Variants in HIVEP1 observed in about 807,000 individuals in gnomAD.
The protein encoded by HIVEP1 is zinc finger protein 40.
A neutral mutation model predicts 180.0 loss-of-function variants in HIVEP1; 36 were observed. That is an observed-to-expected ratio of 0.20 (90% CI 0.15 to 0.26). The LOEUF (loss-of-function observed/expected upper bound fraction) is 0.26, where lower values mean the gene tolerates loss of function less well. HIVEP1 is among the 10% of genes least tolerant of loss of function. HIVEP1 has a pLI of 1.00. For missense variants in HIVEP1, 3,143 were observed against 3,268.7 expected (o/e 0.96, Z 0.94); for synonymous variants, 1,239 against 1,239.0 (o/e 1.00, Z 0.00).
At chr6:12,209,962 G>C in the HIVEP1 span, among the ~76,000 whole-genome samples, 1 of 152,104 alleles carries the variant, frequency 6.6e-6, no homozygotes, top group African/African-American at 2.4e-5. Context: ...TCAGAAAGGT[G>C]GTTATATAGC....
intron 7 of HIVEP1, among the ~76,000 whole-genome samples, chr6:12,139,308 CT>C (rs1275131924): frequency 1.3e-5 from 2 of 152,182 alleles, no homozygotes; most frequent in Admixed American, 6.5e-5. Context: ...CAGCAGGCCC[CT>C]GTCTCAGGGA....
At chr6:12,032,714 C>T (rs975206522) in intron 2 of HIVEP1, among the ~76,000 whole-genome samples, 1 of 151,824 alleles carries the variant, frequency 6.6e-6, no homozygotes, top group Non-Finnish European at 1.5e-5. Flanking sequence ...GTTTGTTTAC[C>T]CACCCAGAAA....
At chr6:12,114,858 A>T (rs892435333) in intron 3 of HIVEP1, among the ~76,000 whole-genome samples, 3 of 152,206 alleles carry the variant, frequency 2.0e-5, no homozygotes, top group African/African-American at 7.2e-5. Flanking sequence ...TGCACAAACT[A>T]CTGAAAAAAG....
At chr6:12,109,124 C>G (rs181130878) in intron 3 of HIVEP1, among the ~76,000 whole-genome samples, 4 of 151,982 alleles carry the variant, frequency 2.6e-5, no homozygotes, top group Non-Finnish European at 2.9e-5. Context: ...GGACTACAGG[C>G]GCCTGCCACC....
In HIVEP1 at chr6:12,125,264, T is replaced by G. The variant is rs763254829; in HGVS notation, c.5469T>G (p.Ile1823Met). The change falls in exon 4 of 9, where the codon ATT becomes ATG. Residue 1823 changes from isoleucine to methionine, a missense_variant. Around this residue, in one of 12 missense-constraint regions of HIVEP1, gnomAD observed 1,357 missense variants for 1,260.5 expected, o/e 1.08. Transcript: ENST00000379388. ...AGGATGTTTTTTCTCAACCTGAAAT[T>G]AGTAATGAGGCTGTTAATTTGACAA... ...LEKDVFSQPE[I>M]SNEAVNLTNV... 3 of 1,614,120 alleles carry G rather than the reference T, an allele frequency of 1.9e-6. No individual in the cohort carries two copies. The highest frequency in any genetic ancestry group is 1.7e-6 in the Non-Finnish European group (2 of 1,179,984).
chr6:12,014,321 G>A (rs1456187686), intron 1 of HIVEP1, among the ~76,000 whole-genome samples: 1 of 152,154 alleles, frequency 6.6e-6, no homozygotes, highest in Non-Finnish European at 1.5e-5. Flanking sequence ...ATATAACTGA[G>A]TCATGCAGTA....
the HIVEP1 span, among the ~76,000 whole-genome samples, chr6:12,180,214 G>A: frequency 3.3e-5 from 5 of 152,196 alleles, no homozygotes; most frequent in Admixed American, 2.0e-4. Flanking sequence ...CTGAGGCCCC[G>A]GAAAATGTTG....
Position 12,164,553 on chromosome 6 carries a change from A to C in HIVEP1, c.*92A>C, listed in dbSNP as rs1184589135. 20 of 967,450 alleles carry C rather than the reference A, an allele frequency of 2.1e-5. No homozygotes were observed. Among genetic ancestry groups the C allele is most frequent in the Non-Finnish European group, 2.8e-5 (19 of 670,018 alleles). The allele number at this position is 967,450 out of a possible 1,614,324, so 59.9% of individuals were successfully genotyped here. A position where few individuals can be genotyped will look rare whatever the true frequency, so the allele number is the denominator to read the frequency against. ...TCCTTAAAGCACATTTTTCTGACAT[A>C]AACTCATGACTAATCTTTGTGCAAT... On this transcript the variant is annotated 3_prime_UTR_variant, in exon 9 of 9. Coordinates refer to ENST00000379388, the MANE Select transcript of HIVEP1 (RefSeq NM_002114.4).
chr6:12,165,951 C>T (rs575488685), downstream of HIVEP1, among the ~76,000 whole-genome samples: 10 of 152,308 alleles, frequency 6.6e-5, no homozygotes, highest in East Asian at 1.9e-3. Context: ...TCCCAGCACG[C>T]ACTGGTGGAT....
chr6:12,186,822 A>G, the HIVEP1 span, among the ~76,000 whole-genome samples: 14 of 152,172 alleles, frequency 9.2e-5, no homozygotes, highest in Admixed American at 9.2e-4. Flanking sequence ...TGATGAAATT[A>G]TGAAATAGAA....
chr6:12,168,183 T>TAC (rs1422506796), downstream of HIVEP1, among the ~76,000 whole-genome samples: 3,586 of 53,768 alleles, frequency 0.067, 1,136 homozygotes, highest in Admixed American at 0.089. Context: ...ATATTATATA[T>TAC]AGATATACGT....
the HIVEP1 span, among the ~76,000 whole-genome samples, chr6:12,193,008 C>G: frequency 6.6e-6 from 1 of 152,116 alleles, no homozygotes; most frequent in Non-Finnish European, 1.5e-5. Flanking sequence ...CCTCAGTTTT[C>G]TCATCTGCAA....
intron 2 of HIVEP1, chr6:12,037,733 C>A: frequency 2.4e-6 from 1 of 418,360 alleles, no homozygotes; most frequent in Non-Finnish European, 4.3e-6. Flanking sequence ...TAGGGTCTTG[C>A]TCTTTTGCTC....
At chr6:12,170,167 A>T in the HIVEP1 span, among the ~76,000 whole-genome samples, 2 of 152,156 alleles carry the variant, frequency 1.3e-5, no homozygotes, top group Non-Finnish European at 2.9e-5. Flanking sequence ...TGCAAATTAA[A>T]TGATGCCTGT....
chr6:12,036,141 G>A (rs1769262794), intron 2 of HIVEP1, among the ~76,000 whole-genome samples: 1 of 152,138 alleles, frequency 6.6e-6, no homozygotes, highest in Admixed American at 6.5e-5. Flanking sequence ...GAGCTTTAAA[G>A]GGTTTTATGT....
At chr6:12,042,926 C>T (rs571082092) in intron 2 of HIVEP1, among the ~76,000 whole-genome samples, 1 of 152,178 alleles carries the variant, frequency 6.6e-6, no homozygotes, top group East Asian at 1.9e-4. Flanking sequence ...TCCATTTGTA[C>T]TTATTTTTGT....
chr6:12,199,360 CTTTTT>C, the HIVEP1 span, among the ~76,000 whole-genome samples: 1 of 109,442 alleles, frequency 9.1e-6, no homozygotes. Context: ...ACTGTCAATC[CTTTTT>C]TTTTTTTTTT....
intron 2 of HIVEP1, among the ~76,000 whole-genome samples, chr6:12,070,573 GTACA>G (rs1287763121): frequency 6.6e-6 from 1 of 152,042 alleles, no homozygotes; most frequent in Non-Finnish European, 1.5e-5. Context: ...GACTACCATC[GTACA>G]TTTAGTCTGT....
chr6:12,168,163 G>A (rs1283250481), downstream of HIVEP1, among the ~76,000 whole-genome samples: 1 of 99,506 alleles, frequency 1.0e-5, no homozygotes, highest in African/African-American at 4.3e-5. Flanking sequence ...ACAGATATAC[G>A]TGTATATCTA....
Sources: gnomAD v4.1 joint callset for allele counts (sites outside exome capture counted in the v4.1 genomes callset) on GRCh38, gnomAD v4.1.1 for gene constraint, gnomAD v4.1.1 regional missense constraint, MANE v1.5 for transcripts, NCBI Gene and HGNC (gene_info 2026-07-23, HGNC 2026-07-21) for gene names.